Variants in EXOC4 observed in about 807,000 individuals in gnomAD.
EXOC4 encodes SEC8-like 1.
A neutral mutation model predicts 107.2 loss-of-function variants in EXOC4; 71 were observed. The ratio of observed to expected loss-of-function variants is 0.66; its 90% CI spans 0.55 to 0.81. The LOEUF is 0.81. EXOC4 is among the 30% of genes least tolerant of loss of function. EXOC4 has a pLI of 0.00. For synonymous variants in EXOC4, 456 were observed against 441.2 expected, an observed-to-expected ratio of 1.03 and a Z score of -0.42; for missense variants, 1,108 against 1,189.6, an observed-to-expected ratio of 0.93 and a Z score of 1.01.
chr7:133,307,338 A>G (rs997626116), intron 4 of EXOC4, among the ~76,000 whole-genome samples: 3 of 152,164 alleles, frequency 2.0e-5, no homozygotes, highest in African/African-American at 7.2e-5. Flanking sequence ...ATCTGTCAGT[A>G]CCTCAGCAGA....
intron 1 of EXOC4, among the ~76,000 whole-genome samples, chr7:133,265,164 CTAA>C (rs1793695284): frequency 6.6e-6 from 1 of 152,010 alleles, no homozygotes; most frequent in East Asian, 1.9e-4. Flanking sequence ...GATCAGTAAG[CTAA>C]TAATTACCTT....
chr7:133,883,981 C>T (rs1171140362), intron 11 of EXOC4, among the ~76,000 whole-genome samples: 1 of 152,052 alleles, frequency 6.6e-6, no homozygotes, highest in Non-Finnish European at 1.5e-5. Flanking sequence ...TCATTGTTTA[C>T]AGCCAGCTAC....
intron 17 of EXOC4, among the ~76,000 whole-genome samples, chr7:134,020,119 T>C (rs189923878): frequency 2.6e-5 from 4 of 152,334 alleles, no homozygotes; most frequent in Admixed American, 2.6e-4. Flanking sequence ...TTAATCCAAA[T>C]GCATACACCT....
At chr7:133,392,557 T>C (rs997580657) in intron 7 of EXOC4, among the ~76,000 whole-genome samples, 6 of 152,108 alleles carry the variant, frequency 3.9e-5, no homozygotes, top group African/African-American at 1.4e-4. Flanking sequence ...GATGGTTTTA[T>C]TTTCCCCTCT....
At chr7:133,373,959 C>T (rs919126004) in intron 6 of EXOC4, among the ~76,000 whole-genome samples, 1 of 151,970 alleles carries the variant, frequency 6.6e-6, no homozygotes, top group African/African-American at 2.4e-5. Flanking sequence ...GTGATAAGTT[C>T]CTTAAAAGCA....
At chr7:133,840,960 G>C (rs189854803) in intron 11 of EXOC4, among the ~76,000 whole-genome samples, 4 of 152,184 alleles carry the variant, frequency 2.6e-5, no homozygotes, top group Admixed American at 6.5e-5. Flanking sequence ...GGAAGAATGG[G>C]TATTGTCATA....
intron 5 of EXOC4, among the ~76,000 whole-genome samples, chr7:133,354,778 C>T (rs1349234352): frequency 6.6e-6 from 1 of 152,132 alleles, no homozygotes; most frequent in East Asian, 1.9e-4. Flanking sequence ...GGGATGTCTG[C>T]CACAGTGCTA....
At chr7:133,568,964 G>A (rs1444664867) in intron 9 of EXOC4, among the ~76,000 whole-genome samples, 1 of 152,116 alleles carries the variant, frequency 6.6e-6, no homozygotes, top group Non-Finnish European at 1.5e-5. Context: ...CGTTTGTTAA[G>A]ACTGGCAGCT....
intron 10 of EXOC4, among the ~76,000 whole-genome samples, chr7:133,651,155 G>A (rs773121047): frequency 2.6e-5 from 4 of 151,996 alleles, no homozygotes; most frequent in Admixed American, 6.5e-5. Flanking sequence ...GTAATAAAAC[G>A]TCCCTTTCTA....
intron 10 of EXOC4, among the ~76,000 whole-genome samples, chr7:133,787,476 G>C (rs577024127): frequency 1.3e-5 from 2 of 152,000 alleles, no homozygotes; most frequent in Admixed American, 1.3e-4. Context: ...CAACATATAG[G>C]TGGTAGTGCT....
chr7:133,829,830 G>A (rs1160670751), intron 11 of EXOC4, among the ~76,000 whole-genome samples: 1 of 152,078 alleles, frequency 6.6e-6, no homozygotes, highest in Non-Finnish European at 1.5e-5. Context: ...CCTGCTTTGG[G>A]GAAAAGGCAG....
chr7:133,939,639 A>G (rs987475422), intron 14 of EXOC4, among the ~76,000 whole-genome samples: 1 of 152,208 alleles, frequency 6.6e-6, no homozygotes, highest in Non-Finnish European at 1.5e-5. Flanking sequence ...TGGGACTACA[A>G]GCATGCACCA....
rs1318533925 is a variant in EXOC4 at position 133,760,205 on chromosome 7, G to A, written c.1515-57120G>A. 7.9e-5 allele frequency among the ~76,000 whole-genome samples: 12 copies of A among 152,144 alleles called. 1 individual carries two copies. The highest frequency in any genetic ancestry group is 7.9e-4 in the Admixed American group (12 of 15,262). ...AGTCAAAGCCAATTTGTTTAACAGA[G>A]CCATTCAGAAGACCCTGTCCATTTT... On this transcript the variant is annotated intron_variant, in intron 10 of 17. Transcript: ENST00000253861.
At chr7:133,679,474 G>C (rs1794137935) in intron 10 of EXOC4, among the ~76,000 whole-genome samples, 2 of 152,204 alleles carry the variant, frequency 1.3e-5, no homozygotes, top group African/African-American at 4.8e-5. Flanking sequence ...CTACAGAGCT[G>C]CTGAGAGCAG....
the EXOC4 span, among the ~76,000 whole-genome samples, chr7:134,097,924 G>T: frequency 1.3e-5 from 2 of 152,146 alleles, no homozygotes; most frequent in Middle Eastern, 3.2e-3. Context: ...AAACTTAGAT[G>T]ATCAGTGATA....
intron 10 of EXOC4, among the ~76,000 whole-genome samples, chr7:133,717,598 G>T (rs562076154): frequency 4.6e-4 from 70 of 152,164 alleles, no homozygotes; most frequent in Non-Finnish European, 6.8e-4. Context: ...TGCCCAGCAC[G>T]GTACTTGGTG....
chr7:133,590,243 C>A (rs556967681), intron 9 of EXOC4, among the ~76,000 whole-genome samples: 1 of 152,244 alleles, frequency 6.6e-6, no homozygotes, highest in Admixed American at 6.5e-5. Context: ...AATTTCACCA[C>A]TCTTCCACCC....
At chr7:133,551,539 CAT>C (rs1800589922) in intron 9 of EXOC4, 2 of 152,152 alleles carry the variant, frequency 1.3e-5, no homozygotes, top group African/African-American at 2.4e-5. Flanking sequence ...AAATGTATAA[CAT>C]GTTAGCTCAA....
At chr7:133,954,945 C>T (rs1175187831) in intron 14 of EXOC4, among the ~76,000 whole-genome samples, 3 of 152,248 alleles carry the variant, frequency 2.0e-5, no homozygotes, top group African/African-American at 7.2e-5. Flanking sequence ...CACCAGGGAA[C>T]ACGGTGGTAC....
Sources: gnomAD v4.1 joint callset for allele counts (sites outside exome capture counted in the v4.1 genomes callset) on GRCh38, gnomAD v4.1.1 for gene constraint, MANE v1.5 for transcripts, NCBI Gene and HGNC (gene_info 2026-07-23, HGNC 2026-07-21) for gene names.